The following IRS1 variants were observed in gnomAD, a reference collection of about 807,000 sequenced individuals.
IRS1 encodes the protein insulin receptor substrate 1.
In IRS1, 34 loss-of-function variants were observed where a neutral mutation model predicts 65.6. That is an observed-to-expected ratio of 0.52 (90% CI 0.39 to 0.69). IRS1 has a LOEUF of 0.69. Among genes scored for constraint, IRS1 ranks in the 30% least tolerant of loss-of-function variants. The pLI is 0.00. For missense variants in IRS1, 1,641 were observed against 1,720.2 expected, an observed-to-expected ratio of 0.95 and a Z score of 0.81; for synonymous variants, 699 against 683.5, an observed-to-expected ratio of 1.02 and a Z score of -0.35.
intron 1 of IRS1, among the ~76,000 whole-genome samples, chr2:226,762,369 AAAAAG>A (rs1410289249): frequency 6.6e-6 from 1 of 152,076 alleles, no homozygotes; most frequent in East Asian, 1.9e-4. Context: ...AAAAAAAAAA[AAAAAG>A]AGAGAGAGCA....
chr2:226,795,801 G>A lies in IRS1; in HGVS notation c.2938C>T (p.Arg980Trp), dbSNP rs148431809. The A allele has an allele frequency of 8.1e-6, 13 of 1,612,914 alleles. No homozygotes were observed. In the African/African-American group the frequency reaches 9.3e-5, roughly 12 times the overall value. ...TCACCCCGGCTGCTGGGCACTGCCC[G>A]GGTAGGCCTGCAAATGCTAGCAGCC... ...PGAASICRPT[R>W]AVPSSRGDYM... Residue 980 changes from arginine (R) to tryptophan (W), a missense_variant, in exon 1 of 2, where the codon CGG becomes TGG. Physicochemically the swap from Arg to Trp is moderately radical, Grantham distance 101 (BLOSUM62 -3). This residue lies in a region of IRS1 where 1,324 missense variants were observed against 1,361.0 expected (regional missense o/e 0.97). Coordinates refer to ENST00000305123, the MANE Select transcript of IRS1 (RefSeq NM_005544.3).
At chr2:226,759,362 T>C (rs1938870184) in intron 1 of IRS1, among the ~76,000 whole-genome samples, 1 of 152,210 alleles carries the variant, frequency 6.6e-6, no homozygotes, top group South Asian at 2.1e-4. Context: ...CAGCACTTAA[T>C]AAAGGGTCAA....
intron 1 of IRS1, among the ~76,000 whole-genome samples, chr2:226,747,781 T>A (rs763316864): frequency 2.0e-5 from 3 of 152,056 alleles, no homozygotes; most frequent in Non-Finnish European, 4.4e-5. Flanking sequence ...ATCTCTAGGG[T>A]AATGGTTCTC....
At position 226,776,585 on chromosome 2, in the gene IRS1, T is replaced by C. The variant is rs113435026; in HGVS notation, c.*21+18404A>G. Among the ~76,000 whole-genome samples, 226 of 152,264 alleles carry C rather than the reference T, an allele frequency of 1.5e-3. 1 individual carries two copies. The highest frequency in any genetic ancestry group is 4.7e-3 in the African/African-American group (194 of 41,556). On this transcript the variant is annotated intron_variant, in intron 1 of 1. Coordinates refer to ENST00000305123, the MANE Select transcript of IRS1 (RefSeq NM_005544.3). ...TTGATAGGTGATGAAATGGCACCTA[T>C]CAAGGTGATGAAATGGCACTGTTAC... is the stretch of plus-strand genomic sequence containing the variant.
At position 226,799,002 on chromosome 2, in the gene IRS1, C is replaced by A. The variant is rs1939828931; in HGVS notation, c.-264G>T. ...GGCAGTGCGTCCGGGGTGAGGGCAG[C>A]CCCGATCCTCCGAGAGCCAAGTCTC... is the stretch of plus-strand genomic sequence containing the variant. On this transcript the variant is annotated 5_prime_UTR_variant, in exon 1 of 2. Transcript: ENST00000305123. The surrounding 1 kb of genome is among the most constrained non-coding windows in gnomAD (Gnocchi z 6.1). 4.2e-5 allele frequency: 60 copies of A among 1,424,676 alleles called. No individual in the cohort carries two copies. The South Asian group carries it at 8.1e-4, about 19-fold the overall frequency. 88.3% of individuals were successfully genotyped at this position (1,424,676 alleles called of 1,614,324 possible).
At chr2:226,786,142 G>A (rs113481217) in intron 1 of IRS1, among the ~76,000 whole-genome samples, 2,153 of 134,230 alleles carry the variant, frequency 0.016, 101 homozygotes, top group Middle Eastern at 0.048. Flanking sequence ...CCAGTCTATC[G>A]TTGTTGGACA....
intron 1 of IRS1, among the ~76,000 whole-genome samples, chr2:226,768,032 C>T (rs565590208): frequency 6.6e-6 from 1 of 152,226 alleles, no homozygotes; most frequent in South Asian, 2.1e-4. Context: ...CACCTTCTAC[C>T]CCATCCCTGC....
intron 1 of IRS1, among the ~76,000 whole-genome samples, 197 bp from the exon 2 acceptor site, chr2:226,736,447 C>T (rs1273155149): frequency 1.3e-5 from 2 of 152,134 alleles, no homozygotes; most frequent in African/African-American, 4.8e-5. Context: ...CTAAAGAAAT[C>T]ACTAACCAAA....
At chr2:226,778,538 A>C (rs1488774755) in intron 1 of IRS1, among the ~76,000 whole-genome samples, 3 of 152,142 alleles carry the variant, frequency 2.0e-5, no homozygotes, top group South Asian at 2.1e-4. Context: ...TTCTAACAGA[A>C]TTTAAAAAAA....
rs1161473600 is a variant in IRS1, at chr2:226,798,379, G to A, written c.360C>T (p.His120=). The A allele has an allele frequency of 6.2e-7, 1 of 1,613,824 alleles. No homozygotes were observed. Among genetic ancestry groups the A allele is most frequent in the Non-Finnish European group, 8.5e-7 (1 of 1,180,004 alleles). ...LLQLHNRAKG[H]HDGAAALGAG... Reference sequence around the variant, plus strand: ...CCCCGAGGGCCGCAGCTCCGTCGTGGTGGCCCTTAGCACGGTTGTGCAGCT... The same window carrying A: ...CCCCGAGGGCCGCAGCTCCGTCGTGATGGCCCTTAGCACGGTTGTGCAGCT... The change falls in exon 1 of 2, where the codon CAC becomes CAT. Residue 120 remains histidine (H), a synonymous_variant. Transcript: ENST00000305123. This position sits in a 1 kb window ranked among gnomAD's most constrained non-coding sequence, Gnocchi z 9.4.
rs990114966 is a variant in IRS1, at chr2:226,794,228, A to T, written c.*21+761T>A. 6.6e-6 allele frequency among the ~76,000 whole-genome samples: 1 copy of T among 152,194 alleles called. No homozygotes were observed. Among genetic ancestry groups the T allele is most frequent in the African/African-American group, 2.4e-5 (1 of 41,440 alleles). On this transcript the variant is annotated intron_variant, in intron 1 of 1. Transcript: ENST00000305123. This position sits in a 1 kb window ranked among gnomAD's most constrained non-coding sequence, Gnocchi z 4.1. The stretch of plus-strand genomic sequence containing the variant: ...CATAACTCTTAATAATGGGTCCCAG[A>T]CACATACAGAGTTTCCTGCATATCC...
At chr2:226,782,808 T>C (rs1164661356) in intron 1 of IRS1, among the ~76,000 whole-genome samples, 2 of 152,102 alleles carry the variant, frequency 1.3e-5, no homozygotes, top group Non-Finnish European at 2.9e-5. Context: ...CATGGCCAGC[T>C]TGGCCAACAT....
chr2:226,798,075 A>G lies in IRS1; in HGVS notation c.664T>C (p.Phe222Leu), dbSNP rs780827968. 2 of 1,613,902 alleles carry G rather than the reference A, an allele frequency of 1.2e-6. No homozygotes were observed. Among genetic ancestry groups the G allele is most frequent in the East Asian group, 4.5e-5 (2 of 44,876 alleles). Residue 222 changes from phenylalanine to leucine, a missense_variant, in exon 1 of 2, where the codon TTC (phenylalanine) becomes CTC (leucine). By Grantham distance (22) the Phe-to-Leu change is conservative. Transcript: ENST00000305123. This position sits in a 1 kb window ranked among gnomAD's most constrained non-coding sequence, Gnocchi z 9.4. ...ACGGCAGAACGGCCCACCTCGATGA[A>G]GAAGAAGTTTTCCGAGTGGCCACAG... ...RRCGHSENFFFIEVGRSAVTG... is the reference protein window; with the variant it reads ...RRCGHSENFFLIEVGRSAVTG...
At chr2:226,759,498 G>A (rs1356759809) in intron 1 of IRS1, among the ~76,000 whole-genome samples, 1 of 152,210 alleles carries the variant, frequency 6.6e-6, no homozygotes, top group Non-Finnish European at 1.5e-5. Context: ...GCTGAAGCAA[G>A]TCACATTCCA....
At chr2:226,785,461 G>C (rs1172653900) in intron 1 of IRS1, among the ~76,000 whole-genome samples, 2 of 152,124 alleles carry the variant, frequency 1.3e-5, no homozygotes, top group Admixed American at 1.3e-4. Flanking sequence ...AAATTAGCCA[G>C]GTGTGGTGGC....
chr2:226,747,025 G>A (rs1938560987), intron 1 of IRS1, among the ~76,000 whole-genome samples: 1 of 151,858 alleles, frequency 6.6e-6, no homozygotes, highest in Non-Finnish European at 1.5e-5. Flanking sequence ...CCTGACCTCA[G>A]GTGATCCACC....
rs139193057 is a variant in IRS1 at position 226,787,625 on chromosome 2, G to T, written c.*21+7364C>A. 3.8e-4 allele frequency among the ~76,000 whole-genome samples: 58 copies of T among 152,254 alleles called. 1 individual carries two copies. Among genetic ancestry groups the T allele is most frequent in the African/African-American group, 1.3e-3 (55 of 41,558 alleles). ...GGGAGGGGAAGAACAAGAAAAAATGGCTTAGGGCCTATTTGACAAAAGCAG... is the reference window on the plus strand; with the variant it reads ...GGGAGGGGAAGAACAAGAAAAAATGTCTTAGGGCCTATTTGACAAAAGCAG... On this transcript the variant is annotated intron_variant, in intron 1 of 1. Coordinates refer to ENST00000305123, the MANE Select transcript of IRS1 (RefSeq NM_005544.3).
chr2:226,743,019 G>A (rs549618346), intron 1 of IRS1, among the ~76,000 whole-genome samples: 1 of 152,162 alleles, frequency 6.6e-6, no homozygotes, highest in East Asian at 1.9e-4. Flanking sequence ...TTATTAACAG[G>A]AAGCATGCTG....
At chr2:226,785,034 T>A (rs1461663963) in intron 1 of IRS1, among the ~76,000 whole-genome samples, 2 of 152,232 alleles carry the variant, frequency 1.3e-5, no homozygotes, top group Non-Finnish European at 1.5e-5. Context: ...TTGTATGTAG[T>A]CTTATGTATA....
Sources: allele counts gnomAD v4.1 joint callset (sites outside exome capture counted in the v4.1 genomes callset), GRCh38; gene constraint gnomAD v4.1.1; regional missense constraint gnomAD v4.1.1; non-coding constraint Gnocchi (gnomAD v3.1); transcripts MANE v1.5; gene names NCBI Gene and HGNC (gene_info 2026-07-23, HGNC 2026-07-21).